Variants in TMTC2 observed in about 807,000 individuals in gnomAD.
TMTC2 encodes protein O-mannosyl-transferase TMTC2.
In TMTC2, 43 loss-of-function variants were observed where a neutral mutation model predicts 82.4. The observed-to-expected ratio is 0.52, with a 90% CI of 0.41 to 0.67. The LOEUF (loss-of-function observed/expected upper bound fraction) is 0.67, where lower values mean the gene tolerates loss of function less well. Ranked by LOEUF, TMTC2 falls within the 30% of genes least tolerant of loss-of-function variation. TMTC2 has a pLI of 0.00. For synonymous variants in TMTC2, 408 were observed against 381.9 expected (o/e 1.07, Z -0.80); for missense variants, 919 against 1,012.4 (o/e 0.91, Z 1.25).
chr12:82,699,058 A>G (rs1872948265), intron 1 of TMTC2, among the ~76,000 whole-genome samples: 1 of 152,166 alleles, frequency 6.6e-6, no homozygotes, highest in South Asian at 2.1e-4. Context: ...GAAACCATGG[A>G]TAAGGGGGTC....
intron 11 of TMTC2, among the ~76,000 whole-genome samples, chr12:83,099,722 C>G (rs1884150616): frequency 6.6e-6 from 1 of 151,148 alleles, no homozygotes; most frequent in Middle Eastern, 3.4e-3. Context: ...TTATGTTTTA[C>G]CCTTTTTTTT....
chr12:82,705,118 C>T (rs1246402543), intron 1 of TMTC2, among the ~76,000 whole-genome samples: 1 of 152,144 alleles, frequency 6.6e-6, no homozygotes, highest in African/African-American at 2.4e-5. Context: ...TGTTCTCACT[C>T]ATAAGTGGGA....
In TMTC2 at chr12:82,812,319, T is replaced by C. The variant is rs577909284; in HGVS notation, c.84-44691T>C. On this transcript the variant is annotated intron_variant, in intron 1 of 11. Coordinates refer to ENST00000321196, the MANE Select transcript of TMTC2 (RefSeq NM_152588.3). The stretch of plus-strand genomic sequence containing the variant: ...GTAATAGTGGTTGTATTGAGATTGA[T>C]TCATGAAACCTTAAGTTCCTTGGGA... Among the ~76,000 whole-genome samples, 243 of 152,220 alleles carry C rather than the reference T, an allele frequency of 1.6e-3. 2 individuals carry two copies. The highest frequency in any genetic ancestry group is 5.6e-3 in the African/African-American group (232 of 41,568).
intron 2 of TMTC2, among the ~76,000 whole-genome samples, chr12:82,889,533 G>A (rs77699091): frequency 0.015 from 2,259 of 151,966 alleles, 88 homozygotes; most frequent in East Asian, 0.049. Context: ...AGGTTTCCTC[G>A]TCTCATGTTT....
chr12:82,860,008 C>T (rs184963490), intron 2 of TMTC2, among the ~76,000 whole-genome samples: 1 of 152,248 alleles, frequency 6.6e-6, no homozygotes, highest in Admixed American at 6.5e-5. Flanking sequence ...GAGTCTTGCC[C>T]TGTCGCCTAG....
chr12:82,817,366 G>A lies in TMTC2; in HGVS notation c.84-39644G>A, dbSNP rs184789294. On this transcript the variant is annotated intron_variant, in intron 1 of 11. Coordinates refer to ENST00000321196, the MANE Select transcript of TMTC2 (RefSeq NM_152588.3). ...AAGATTTTTTCTACCTTTTCCTAAAGCCATTTTGTGTTTATTTTATTGTTA... is the reference window on the plus strand; with the variant it reads ...AAGATTTTTTCTACCTTTTCCTAAAACCATTTTGTGTTTATTTTATTGTTA... Among the ~76,000 whole-genome samples, 27 of 152,068 alleles carry A rather than the reference G, an allele frequency of 1.8e-4. No individual in the cohort carries two copies. In the East Asian group the frequency reaches 5.2e-3, roughly 29 times the overall value.
intron 8 of TMTC2, among the ~76,000 whole-genome samples, chr12:83,000,898 T>G (rs1408019339): frequency 6.6e-6 from 1 of 152,152 alleles, no homozygotes; most frequent in Non-Finnish European, 1.5e-5. Context: ...CAACACCACA[T>G]GGAAGCTGCC....
chr12:82,864,715 A>C lies in TMTC2; in HGVS notation c.654+7135A>C, dbSNP rs901054126. Among the ~76,000 whole-genome samples, 7 of 151,056 alleles carry C rather than the reference A, an allele frequency of 4.6e-5. No homozygotes were observed. In the East Asian group the frequency reaches 8.0e-4, roughly 17 times the overall value. ...ATGGGGCTTCACCATGTTGGCCAGG[A>C]TGGTCTTGATCTCTTGACCTTGTGA... On this transcript the variant is annotated intron_variant, in intron 2 of 11. Coordinates refer to ENST00000321196, the MANE Select transcript of TMTC2 (RefSeq NM_152588.3).
At chr12:83,034,932 C>G (rs1204179583) in intron 9 of TMTC2, among the ~76,000 whole-genome samples, 1 of 152,146 alleles carries the variant, frequency 6.6e-6, no homozygotes, top group Non-Finnish European at 1.5e-5. Context: ...TATAGATATT[C>G]TTAGATTGTT....
At chr12:83,075,800 T>C (rs1386223779) in intron 11 of TMTC2, among the ~76,000 whole-genome samples, 1 of 152,234 alleles carries the variant, frequency 6.6e-6, no homozygotes, top group African/African-American at 2.4e-5. Context: ...CTACTCTAGA[T>C]GTCTTTTCCA....
chr12:82,802,984 C>T (rs189140359), intron 1 of TMTC2, among the ~76,000 whole-genome samples: 106 of 152,216 alleles, frequency 7.0e-4, no homozygotes, highest in African/African-American at 2.4e-3. Flanking sequence ...GAGAGAATGA[C>T]AAGATGTGTG....
At chr12:82,806,734 A>G (rs1414438383) in intron 1 of TMTC2, among the ~76,000 whole-genome samples, 1 of 152,180 alleles carries the variant, frequency 6.6e-6, no homozygotes, top group Non-Finnish European at 1.5e-5. Flanking sequence ...TTGTTCATTA[A>G]ATAGAAGTGG....
intron 3 of TMTC2, among the ~76,000 whole-genome samples, chr12:82,924,372 T>G (rs1179228962): frequency 6.6e-6 from 1 of 152,208 alleles, no homozygotes; most frequent in African/African-American, 2.4e-5. Flanking sequence ...GTTTGGTAGT[T>G]TGTGGGTTAT....
intron 9 of TMTC2, among the ~76,000 whole-genome samples, chr12:83,050,343 G>C (rs767066328): frequency 4.3e-4 from 66 of 152,096 alleles, no homozygotes; most frequent in Middle Eastern, 3.4e-3. Context: ...TAATTTTTGA[G>C]GTACAGTTGA....
chr12:82,906,201 T>C (rs1191720899), intron 3 of TMTC2, among the ~76,000 whole-genome samples: 1 of 152,180 alleles, frequency 6.6e-6, no homozygotes, highest in Non-Finnish European at 1.5e-5. Flanking sequence ...TCTAAGCTTT[T>C]GTTTACCTCG....
intron 1 of TMTC2, among the ~76,000 whole-genome samples, chr12:82,793,251 A>G (rs1403920387): frequency 1.3e-5 from 2 of 152,140 alleles, no homozygotes; most frequent in East Asian, 1.9e-4. Flanking sequence ...TAAGATCTCA[A>G]AATAATATTT....
intron 1 of TMTC2, among the ~76,000 whole-genome samples, chr12:82,697,096 A>G (rs1236003608): frequency 6.6e-6 from 1 of 151,764 alleles, no homozygotes; most frequent in Non-Finnish European, 1.5e-5. Context: ...CTGTAATCCC[A>G]GTACTTTGGG....
At chr12:82,877,143 T>C (rs1872621898) in intron 2 of TMTC2, among the ~76,000 whole-genome samples, 1 of 152,158 alleles carries the variant, frequency 6.6e-6, no homozygotes, top group Non-Finnish European at 1.5e-5. Context: ...TGCAAAGATA[T>C]ATTAGTCCAT....
chr12:82,961,629 G>A (rs1207704612), intron 4 of TMTC2, among the ~76,000 whole-genome samples: 1 of 151,878 alleles, frequency 6.6e-6, no homozygotes, highest in African/African-American at 2.4e-5. Context: ...TTTTCCCTTT[G>A]TAATGTGGAG....
Sources: allele counts gnomAD v4.1 joint callset (sites outside exome capture counted in the v4.1 genomes callset), GRCh38; gene constraint gnomAD v4.1.1; transcripts MANE v1.5; gene names NCBI Gene and HGNC (gene_info 2026-07-23, HGNC 2026-07-21).